PLA2G4E: variants seen among roughly 807,000 people sequenced by gnomAD.
The protein encoded by PLA2G4E is cytosolic phospholipase A2 epsilon.
Under a neutral mutation model 109.1 loss-of-function variants are expected in PLA2G4E, and 84 were observed. The ratio of observed to expected loss-of-function variants is 0.77; its 90% CI spans 0.65 to 0.92. PLA2G4E has a LOEUF of 0.92. Among genes scored for constraint, PLA2G4E ranks in the 40% least tolerant of loss-of-function variants. The pLI, the probability that PLA2G4E is intolerant of heterozygous loss-of-function variation, is 0.00. For missense variants in PLA2G4E, 1,057 were observed against 1,076.6 expected (o/e 0.98, Z 0.25); for synonymous variants, 469 against 436.1 (o/e 1.08, Z -0.94).
chr15:42,013,575 A>ATG (rs2068558904), intron 2 of PLA2G4E, 110 bp downstream of exon 2: 10 of 998,160 alleles, frequency 1.0e-5, no homozygotes, highest in East Asian at 5.2e-5. Flanking sequence ...GCACGTGCAC[A>ATG]CGTGCGCGCG....
In PLA2G4E at chr15:41,999,580, A is replaced by C. The variant is rs2068391635; in HGVS notation, c.937-19T>G. On this transcript the variant is annotated intron_variant, in intron 9 of 19. Transcript: ENST00000399518. ...TCTCACCCTGGGGAGGGAAAGATGAAAAGCTTGTCAGAGGTGACAATTCAG... is the reference window on the plus strand; with the variant it reads ...TCTCACCCTGGGGAGGGAAAGATGACAAGCTTGTCAGAGGTGACAATTCAG... The C allele has an allele frequency of 6.2e-7, 1 of 1,610,602 alleles. No homozygotes were observed. The highest frequency in any genetic ancestry group is 1.3e-5 in the African/African-American group (1 of 74,850).
intron 1 of PLA2G4E, among the ~76,000 whole-genome samples, chr15:42,022,648 G>T (rs928069818): frequency 6.6e-6 from 1 of 152,132 alleles, no homozygotes; most frequent in African/African-American, 2.4e-5. Context: ...AGAATCTAAT[G>T]CCACTGCTGA....
In PLA2G4E at chr15:41,999,659, G is replaced by A. The variant is rs186615574; in HGVS notation, c.937-98C>T. 2,050 of 1,444,530 alleles carry A rather than the reference G, an allele frequency of 1.4e-3. 9 individuals are homozygous for A. The highest frequency in any genetic ancestry group is 0.014 in the Middle Eastern group (77 of 5,488). The allele number at this position is 1,444,530 out of a possible 1,614,324, so 89.5% of individuals were successfully genotyped here. On this transcript the variant is annotated intron_variant, in intron 9 of 19. Transcript: ENST00000399518. ...CACCCAGACCCCACTCAGCACACAC[G>A]TGCACACACAGGCGCTCCATCCCTG...
intron 1 of PLA2G4E, among the ~76,000 whole-genome samples, chr15:42,038,460 C>T (rs1889256232): frequency 6.6e-6 from 1 of 152,250 alleles, no homozygotes; most frequent in African/African-American, 2.4e-5. Context: ...GAGACAGTGA[C>T]AGATCATCAG....
exon 20 of PLA2G4E, chr15:41,983,854 A>G (rs2141018515): frequency 6.2e-7 from 1 of 1,613,018 alleles, no homozygotes; most frequent in South Asian, 1.1e-5. Flanking sequence ...ATACTCTGAG[A>G]GTTTCACCAG....
intron 11 of PLA2G4E, 88 bp downstream of exon 11, chr15:41,997,036 G>A (rs954087981): frequency 2.1e-6 from 3 of 1,417,078 alleles, no homozygotes; most frequent in African/African-American, 1.5e-5. Flanking sequence ...GGTGGCGCCT[G>A]GGGTAGGGCA....
chr15:42,040,018 A>G (rs1889285628), intron 1 of PLA2G4E, among the ~76,000 whole-genome samples: 1 of 152,204 alleles, frequency 6.6e-6, no homozygotes, highest in African/African-American at 2.4e-5. Context: ...GAGAAAACTA[A>G]TTCTATCAAT....
In PLA2G4E at chr15:42,028,918, A is replaced by G. The variant is rs16972485; in HGVS notation, c.184-15161T>C. On this transcript the variant is annotated intron_variant, in intron 1 of 19. Coordinates refer to ENST00000399518, the Ensembl canonical transcript of PLA2G4E. ...CCAGAACTTCTGGCCAGCAAACTAG[A>G]TGTGACTCTATTTCATGATGACAAG... 4.1e-3 allele frequency among the ~76,000 whole-genome samples: 620 copies of G among 152,266 alleles called. 3 individuals carry two copies. The highest frequency in any genetic ancestry group is 0.017 in the Middle Eastern group (5 of 294).
intron 14 of PLA2G4E, among the ~76,000 whole-genome samples, chr15:41,989,806 A>G (rs2068212928): frequency 6.6e-6 from 1 of 152,118 alleles, no homozygotes; most frequent in Admixed American, 6.5e-5. Context: ...ACAAAAACTG[A>G]CCCTGAAGCA....
At chr15:41,983,526 C>G (rs1595553711) in exon 20 of PLA2G4E, 1 of 555,018 alleles carries the variant, frequency 1.8e-6, no homozygotes, top group Non-Finnish European at 3.2e-6. Flanking sequence ...TAGGGAAGCA[C>G]TTGAAGAAAC....
chr15:42,020,361 C>T (rs1014543045), intron 1 of PLA2G4E, among the ~76,000 whole-genome samples: 2 of 152,202 alleles, frequency 1.3e-5, no homozygotes, highest in African/African-American at 4.8e-5. Context: ...GATGGGGAAA[C>T]TGAGGCAGAG....
chr15:42,019,361 G>C (rs910222412), intron 1 of PLA2G4E, among the ~76,000 whole-genome samples: 1 of 152,256 alleles, frequency 6.6e-6, no homozygotes, highest in Non-Finnish European at 1.5e-5. Context: ...CTGGGTGGGA[G>C]TGGGGTCTGG....
chr15:41,986,836 G>A lies in PLA2G4E; in HGVS notation c.2035+336C>T, dbSNP rs1234840742. ...GTGCCTGGCACCACTCACATTAAAG[G>A]GCATCCCCAGAACACAACTGCAGAA... On this transcript the variant is annotated intron_variant, in intron 17 of 19. Transcript: ENST00000399518. 6 of 339,614 alleles carry A rather than the reference G, an allele frequency of 1.8e-5. No individual in the cohort carries two copies. In the East Asian group the frequency reaches 4.3e-4, roughly 24 times the overall value. The allele number at this position is 339,614 out of a possible 1,614,324, so 21.0% of individuals were successfully genotyped here.
At chr15:42,000,352 A>G in intron 7 of PLA2G4E, 70 bp from the exon 8 acceptor site, 1 of 1,426,368 alleles carries the variant, frequency 7.0e-7, no homozygotes, top group Non-Finnish European at 9.5e-7. Flanking sequence ...GGTCCAGCAA[A>G]AAACCTATTT....
chr15:42,045,043 T>C (rs1355866533), intron 1 of PLA2G4E, among the ~76,000 whole-genome samples: 1 of 151,582 alleles, frequency 6.6e-6, no homozygotes, highest in Non-Finnish European at 1.5e-5. Context: ...ATAGATTAGA[T>C]ATGAGGGCAT....
intron 1 of PLA2G4E, among the ~76,000 whole-genome samples, chr15:42,045,804 T>G (rs1248245363): frequency 2.0e-5 from 3 of 152,182 alleles, no homozygotes; most frequent in African/African-American, 7.2e-5. Flanking sequence ...ACATTCTGCT[T>G]TATGATTTCA....
intron 1 of PLA2G4E, among the ~76,000 whole-genome samples, chr15:42,026,271 A>C (rs781264683): frequency 6.6e-6 from 1 of 152,206 alleles, no homozygotes; most frequent in Non-Finnish European, 1.5e-5. Context: ...CCTGCTTTTC[A>C]AGGGAACTTA....
chr15:41,999,460 G>A, intron 10 of PLA2G4E, 64 bp downstream of exon 10: 2 of 1,230,882 alleles, frequency 1.6e-6, no homozygotes, highest in East Asian at 2.3e-5. Flanking sequence ...ACCACAGTGA[G>A]ATACCACTGC....
At position 41,984,495 on chromosome 15, in the gene PLA2G4E, G is replaced by T; in HGVS notation, c.2327C>A (p.Ala776Asp). 6.2e-7 allele frequency: 1 copy of T among 1,613,950 alleles called. No individual in the cohort carries two copies. Among genetic ancestry groups the T allele is most frequent in the Admixed American group, 1.7e-5 (1 of 60,026 alleles). ...GAGTGGGAAGAAAGTCACGATGGGG[G>T]CATCGGGTTCCTGGGGGTTCTCCAT... Residue 776 changes from alanine (A) to aspartate (D), a missense_variant, in exon 19 of 20, where the codon GCC becomes GAC. Physicochemically the swap from Ala to Asp is moderately radical, Grantham distance 126. Transcript: ENST00000399518.
Sources: allele counts gnomAD v4.1 joint callset (sites outside exome capture counted in the v4.1 genomes callset), GRCh38; gene constraint gnomAD v4.1.1; transcripts MANE v1.5; gene names NCBI Gene and HGNC (gene_info 2026-07-23, HGNC 2026-07-21).